Variants in MLIP observed in about 807,000 individuals in gnomAD.
MLIP encodes muscular LMNA interacting protein, also known as muscular LMNA-interacting protein.
MLIP carries 79 observed loss-of-function variants against 84.8 expected under a neutral mutation model. That is an observed-to-expected ratio of 0.93 (90% confidence interval 0.78 to 1.12). The LOEUF (loss-of-function observed/expected upper bound fraction) is 1.12. Among genes scored for constraint, MLIP ranks in the 50% most tolerant of loss-of-function variants. MLIP has a pLI of 0.00. For synonymous variants in MLIP, 504 were observed against 463.0 expected, an observed-to-expected ratio of 1.09 and a Z score of -1.14; for missense variants, 1,257 against 1,160.6, an observed-to-expected ratio of 1.08 and a Z score of -1.21.
At chr6:54,046,345 A>G (rs1395011557) in intron 1 of MLIP, 1 of 151,274 alleles carries the variant, frequency 6.6e-6, no homozygotes, top group East Asian at 1.9e-4. Flanking sequence ...ATACATTGTC[A>G]TTATAGAATA....
chr6:54,194,684 T>G (rs1778172279), intron 10 of MLIP, among the ~76,000 whole-genome samples: 1 of 152,070 alleles, frequency 6.6e-6, no homozygotes, highest in East Asian at 1.9e-4. Flanking sequence ...TGCTGTTTTT[T>G]CTTTATCAAG....
intron 13 of MLIP, chr6:54,261,775 A>G (rs1290283354): frequency 1.0e-6 from 1 of 976,246 alleles, no homozygotes; most frequent in Admixed American, 6.2e-5. Context: ...GTTTGATTCA[A>G]GGGTAAAAAT....
intron 10 of MLIP, among the ~76,000 whole-genome samples, chr6:54,198,955 A>G (rs1778487954): frequency 6.6e-6 from 1 of 151,826 alleles, no homozygotes; most frequent in Non-Finnish European, 1.5e-5. Context: ...GTGTACAGTC[A>G]CCAGGAACTG....
At chr6:54,116,623 G>A (rs1769945681) in intron 1 of MLIP, among the ~76,000 whole-genome samples, 1 of 152,110 alleles carries the variant, frequency 6.6e-6, no homozygotes, top group African/African-American at 2.4e-5. Flanking sequence ...TTGAAGAAAG[G>A]CCCAGACCTG....
At chr6:54,217,475 G>A in intron 11 of MLIP, 2 of 985,318 alleles carry the variant, frequency 2.0e-6, no homozygotes, top group African/African-American at 1.7e-5. Flanking sequence ...TTTCTGATGT[G>A]TCTGTCAGTT....
At chr6:54,080,960 C>G (rs1447884267) in intron 1 of MLIP, among the ~76,000 whole-genome samples, 1 of 151,930 alleles carries the variant, frequency 6.6e-6, no homozygotes, top group Non-Finnish European at 1.5e-5. Flanking sequence ...CCTCACCATC[C>G]TCACCCTGAC....
In MLIP at chr6:54,019,561, C is replaced by G. The variant is rs140938147; in HGVS notation, c.63+470C>G. ...AAAGTTTTTTGCCATAGAAGTTATA[C>G]AAGTAATTTTGCCTTGATACTAAGC... On this transcript the variant is annotated intron_variant, in intron 1 of 12. Coordinates refer to the MLIP transcript ENST00000274897. Among the ~76,000 whole-genome samples the G allele has an allele frequency of 1.6e-3, 237 of 152,268 alleles. 2 individuals are homozygous for G. The highest frequency in any genetic ancestry group is 5.4e-3 in the African/African-American group (223 of 41,558).
chr6:54,199,968 G>C (rs1439908860), intron 10 of MLIP, among the ~76,000 whole-genome samples: 1 of 152,172 alleles, frequency 6.6e-6, no homozygotes, highest in East Asian at 1.9e-4. Flanking sequence ...AAATCTGGTA[G>C]AGTGGAGGAA....
At chr6:54,249,549 A>G (rs961802072) in intron 12 of MLIP, among the ~76,000 whole-genome samples, 15 of 151,888 alleles carry the variant, frequency 9.9e-5, no homozygotes, top group African/African-American at 3.6e-4. Context: ...GACCTCAATA[A>G]AGAAAAAACT....
intron 1 of MLIP, among the ~76,000 whole-genome samples, chr6:54,021,034 A>G (rs1203470728): frequency 6.6e-6 from 1 of 152,210 alleles, no homozygotes; most frequent in Non-Finnish European, 1.5e-5. Context: ...TATTTAAGAG[A>G]GTTGGAAAAT....
At chr6:54,258,605 A>G (rs1003379818) in intron 13 of MLIP, among the ~76,000 whole-genome samples, 8 of 152,146 alleles carry the variant, frequency 5.3e-5, no homozygotes, top group Non-Finnish European at 1.2e-4. Flanking sequence ...AGTGTGTTAT[A>G]ATAATATCTG....
chr6:54,180,101 G>T (rs959438525), intron 9 of MLIP, among the ~76,000 whole-genome samples: 5 of 151,900 alleles, frequency 3.3e-5, no homozygotes, highest in African/African-American at 1.2e-4. Context: ...TGTTGTTGTT[G>T]TTTGTTTGTT....
chr6:54,263,166 A>G (rs1203237194), intron 13 of MLIP, among the ~76,000 whole-genome samples: 2 of 152,068 alleles, frequency 1.3e-5, no homozygotes, highest in Non-Finnish European at 2.9e-5. Flanking sequence ...AGTTTCCAAG[A>G]GAAACAAACA....
chr6:54,183,777 T>A (rs1212197083), intron 9 of MLIP, among the ~76,000 whole-genome samples: 1 of 145,124 alleles, frequency 6.9e-6, no homozygotes, highest in Non-Finnish European at 1.5e-5. Context: ...ACAGAGTCTC[T>A]CTCTGTTACC....
At chr6:54,254,740 CTCCCTTCCTTCCTTCCTTCCTTCCT>C (rs1782876072) in intron 12 of MLIP, among the ~76,000 whole-genome samples, 1 of 140,296 alleles carries the variant, frequency 7.1e-6, no homozygotes, top group Non-Finnish European at 1.5e-5. Flanking sequence ...TTTTTTCTCC[CTCCCTTCCTTCCTTCCTTCCTTCCT>C]TCCCTTCCTC....
rs775376526 is a variant in MLIP at position 54,160,350 on chromosome 6, A to G, written c.2290-17A>G. Reference sequence around the variant, plus strand: ...TGACTAGAAGCCTCATATAAGAACTATTTCATTTGTCACTAGGCACTAGAT... The same window carrying G: ...TGACTAGAAGCCTCATATAAGAACTGTTTCATTTGTCACTAGGCACTAGAT... On this transcript the variant is annotated splice_polypyrimidine_tract_variant and intron_variant, in intron 5 of 13. Transcript: ENST00000502396. 2.2e-5 allele frequency: 35 copies of G among 1,607,572 alleles called. No individual in the cohort carries two copies. The highest frequency in any genetic ancestry group is 3.0e-5 in the Non-Finnish European group (35 of 1,175,336).
intron 3 of MLIP, among the ~76,000 whole-genome samples, chr6:54,129,948 A>G (rs1444437915): frequency 6.6e-6 from 1 of 152,178 alleles, no homozygotes; most frequent in Non-Finnish European, 1.5e-5. Flanking sequence ...TAGGCAATGG[A>G]CAAATCCCTG....
chr6:54,167,034 T>C (rs114940010), intron 8 of MLIP, among the ~76,000 whole-genome samples: 2,307 of 152,062 alleles, frequency 0.015, 22 homozygotes, highest in Middle Eastern at 0.044. Flanking sequence ...TTTCTATAGC[T>C]TCAGAATATG....
chr6:54,056,172 A>G (rs1230956700), intron 1 of MLIP, among the ~76,000 whole-genome samples: 1 of 152,168 alleles, frequency 6.6e-6, no homozygotes, highest in Non-Finnish European at 1.5e-5. Context: ...TACGTGAATT[A>G]TTTGAACTAA....
Sources: allele counts gnomAD v4.1 joint callset (sites outside exome capture counted in the v4.1 genomes callset), GRCh38; gene constraint gnomAD v4.1.1; transcripts MANE v1.5; gene names NCBI Gene and HGNC (gene_info 2026-07-23, HGNC 2026-07-21).